Variants in MFAP5 observed in about 807,000 individuals in gnomAD.
MFAP5 encodes the protein microfibril associated protein 5, also known as microfibrillar-associated protein 5.
A neutral mutation model predicts 30.1 loss-of-function variants in MFAP5; 19 were observed. The observed-to-expected ratio is 0.63, with a 90% CI of 0.44 to 0.93. The LOEUF (loss-of-function observed/expected upper bound fraction) is 0.93, where lower values mean the gene tolerates loss of function less well. Among genes scored for constraint, MFAP5 ranks in the 40% least tolerant of loss-of-function variants. MFAP5 has a pLI of 0.00. For missense variants in MFAP5, 210 were observed against 221.3 expected (o/e 0.95, Z 0.32); for synonymous variants, 92 against 72.9 (o/e 1.26, Z -1.33).
At position 8,648,168 on chromosome 12, in the gene MFAP5, T is replaced by C. The variant is rs1565521082; in HGVS notation, c.445A>G (p.Arg149Gly). The C allele has an allele frequency of 7.4e-6, 12 of 1,613,636 alleles. No individual in the cohort carries two copies. The highest frequency in any genetic ancestry group is 2.2e-5 in the East Asian group (1 of 44,884). ...LCRQMAGLPP[R>G]RLRRSNYFRL... The stretch of plus-strand genomic sequence containing the variant: ...AAGTAATTGGAGCGACGGAGTCTCC[T>C]AGGGGGCAGACCAGCCATCTGACGG... Residue 149 changes from arginine to glycine, a missense_variant, in exon 10 of 10, where the codon AGG (arginine) becomes GGG (glycine). Transcript: ENST00000359478.
In MFAP5 at chr12:8,647,196, C is replaced by T. The variant is rs963694569; in HGVS notation, c.*895G>A. ...AAAGCCACTTGCACAATAATTCGACCGTGCACTTGTTAAGTTGTGAAGATG... is the reference window on the plus strand; with the variant it reads ...AAAGCCACTTGCACAATAATTCGACTGTGCACTTGTTAAGTTGTGAAGATG... On this transcript the variant is annotated 3_prime_UTR_variant, in exon 10 of 10. Transcript: ENST00000359478. The T allele has an allele frequency of 6.6e-6, 1 of 152,112 alleles. No homozygotes were observed. The highest frequency in any genetic ancestry group is 1.9e-4 in the East Asian group (1 of 5,196). 9.4% of individuals were successfully genotyped at this position (152,112 alleles called of 1,614,324 possible).
intron 5 of MFAP5, 44 bp from the exon 6 acceptor site, chr12:8,654,525 G>C: frequency 6.4e-7 from 1 of 1,554,196 alleles, no homozygotes; most frequent in Non-Finnish European, 8.8e-7. Context: ...GCTTCAAATT[G>C]CAAACACAAG....
rs140603814 is a variant in MFAP5 at position 8,648,426 on chromosome 12, A to G, written c.410-223T>C. ...TATCCCTTTCTGTAAAATGAGAATT[A>G]AAATACCTACCTCAACAGTATATTT... On this transcript the variant is annotated intron_variant, in intron 9 of 9. Transcript: ENST00000359478. The G allele has an allele frequency of 1.8e-4, 180 of 1,016,962 alleles. No individual in the cohort carries two copies. The East Asian group carries it at 5.9e-3, about 33-fold the overall frequency. The allele number at this position is 1,016,962 out of a possible 1,614,324, so 63.0% of individuals were successfully genotyped here. A position where few individuals can be genotyped will look rare whatever the true frequency, so the allele number is the denominator to read the frequency against.
chr12:8,661,942 A>C (rs1003060513), intron 2 of MFAP5, 105 bp downstream of exon 2: 1 of 1,090,860 alleles, frequency 9.2e-7, no homozygotes, highest in African/African-American at 1.5e-5. Flanking sequence ...AATACCAAGC[A>C]TCTCTACTGC....
At position 8,655,882 on chromosome 12, in the gene MFAP5, C is replaced by T. The variant is rs1263532453; in HGVS notation, c.95-52G>A. ...CTGAGATTCTCTGTCTCCCTGCCAC[C>T]CTTGCACTTCCAGTAAGTTAAATTG... On this transcript the variant is annotated intron_variant, in intron 3 of 9. Coordinates refer to ENST00000359478, the MANE Select transcript of MFAP5 (RefSeq NM_003480.4). 6.0e-6 allele frequency: 9 copies of T among 1,502,812 alleles called. No individual in the cohort carries two copies. In the East Asian group the frequency reaches 9.0e-5, roughly 15 times the overall value. 93.1% of individuals were successfully genotyped at this position (1,502,812 alleles called of 1,614,324 possible).
intron 2 of MFAP5, 122 bp downstream of exon 2, chr12:8,661,925 A>G: frequency 2.1e-6 from 2 of 952,704 alleles, no homozygotes; most frequent in Admixed American, 2.1e-5. Flanking sequence ...TAGGAATTCC[A>G]GAGCTCAATA....
Position 8,648,489 on chromosome 12 carries a change from A to G in MFAP5, c.410-286T>C, listed in dbSNP as rs558791836. On this transcript the variant is annotated intron_variant, in intron 9 of 9. Coordinates refer to ENST00000359478, the MANE Select transcript of MFAP5 (RefSeq NM_003480.4). ...ATGAAATCATGTATGCAAAGTACCT[A>G]GCACAGGTGAGCAGTAAATGTTAGT... The G allele has an allele frequency of 1.1e-3, 1,357 of 1,286,140 alleles. 3 individuals carry two copies. The highest frequency in any genetic ancestry group is 1.3e-3 in the Non-Finnish European group (1,323 of 981,660). 79.7% of individuals were successfully genotyped at this position (1,286,140 alleles called of 1,614,324 possible). A position where few individuals can be genotyped will look rare whatever the true frequency, so the allele number is the denominator to read the frequency against.
chr12:8,649,698 C>G, intron 8 of MFAP5, 124 bp from the exon 9 acceptor site: 1 of 702,274 alleles, frequency 1.4e-6, no homozygotes, highest in Non-Finnish European at 2.5e-6. Flanking sequence ...CTGCTTTTCC[C>G]CAACTGTATT....
intron 1 of MFAP5, chr12:8,662,376 C>T (rs894686363): frequency 3.4e-5 from 14 of 412,990 alleles, no homozygotes; most frequent in Non-Finnish European, 5.7e-5. Flanking sequence ...TCTACATGGT[C>T]CGTACTTGGC....
intron 9 of MFAP5, chr12:8,648,421 G>T: frequency 2.0e-6 from 2 of 993,310 alleles, no homozygotes; most frequent in Non-Finnish European, 2.8e-6. Context: ...TGTAAAATGA[G>T]AATTAAAATA....
chr12:8,657,304 A>C (rs1942028690), intron 3 of MFAP5, among the ~76,000 whole-genome samples: 1 of 152,068 alleles, frequency 6.6e-6, no homozygotes, highest in Admixed American at 6.5e-5. Context: ...CTGTAATCCC[A>C]GCTACTCTGG....
In MFAP5 at chr12:8,654,057, C is replaced by T. The variant is rs191742624; in HGVS notation, c.217+380G>A. ...AGGAAAATCGCTTGAACCCAGGAGG[C>T]GGAGGCCGCAGTGAGCGGAGATCGC... On this transcript the variant is annotated intron_variant, in intron 6 of 9. Coordinates refer to ENST00000359478, the MANE Select transcript of MFAP5 (RefSeq NM_003480.4). Among the ~76,000 whole-genome samples the T allele has an allele frequency of 1.8e-3, 272 of 147,582 alleles. 2 individuals are homozygous for T. The highest frequency in any genetic ancestry group is 6.4e-3 in the African/African-American group (252 of 39,536).
At chr12:8,650,890 G>A (rs1207471154) in intron 7 of MFAP5, among the ~76,000 whole-genome samples, 1 of 152,170 alleles carries the variant, frequency 6.6e-6, no homozygotes, top group Non-Finnish European at 1.5e-5. Context: ...AAATAGGCTG[G>A]GCACGGTGGC....
chr12:8,660,910 G>T lies in MFAP5; in HGVS notation c.59-12C>A. 6.2e-7 allele frequency: 1 copy of T among 1,608,416 alleles called. No homozygotes were observed. The highest frequency in any genetic ancestry group is 1.7e-5 in the Admixed American group (1 of 59,698). On this transcript the variant is annotated splice_polypyrimidine_tract_variant and intron_variant, in intron 2 of 9. Coordinates refer to ENST00000359478, the MANE Select transcript of MFAP5 (RefSeq NM_003480.4). ...CAGGGGTATCCAGTCTATAGCAAAG[G>T]AAGAGAAAAGAGATGTGAGTGACTG...
At chr12:8,651,774 C>T in intron 6 of MFAP5, 83 bp from the exon 7 acceptor site, 1 of 1,274,190 alleles carries the variant, frequency 7.8e-7, no homozygotes, top group South Asian at 1.2e-5. Flanking sequence ...CACTTAGGAC[C>T]TGCTTGGAGT....
rs764941480 is a variant in MFAP5, at chr12:8,655,814, C to T, written c.111G>A (p.Ala37=). 3.7e-6 allele frequency: 6 copies of T among 1,611,752 alleles called. No homozygotes were observed. In the Admixed American group the frequency reaches 5.0e-5, roughly 13 times the overall value. ...GATCTTCTGTGAATGTTTCTGGAGT[C>T]GCTTGAGTCACATCGTCTGAAAAGA... ...NSQRGDDVTQ[A]TPETFTEDPN... Residue 37 remains alanine (A), a synonymous_variant, in exon 4 of 10, where the codon GCG becomes GCA. Coordinates refer to ENST00000359478, the MANE Select transcript of MFAP5 (RefSeq NM_003480.4).
In MFAP5 at chr12:8,648,168, T is replaced by TC. The variant is rs1565521088; in HGVS notation, c.444_445insG (p.Arg149GlufsTer15). On this transcript the variant is annotated frameshift_variant, in exon 10 of 10. Coordinates refer to ENST00000359478, the MANE Select transcript of MFAP5 (RefSeq NM_003480.4). LOFTEE classifies it high-confidence loss of function. ...AAGTAATTGGAGCGACGGAGTCTCC[T>TC]AGGGGGCAGACCAGCCATCTGACGG... 6.2e-7 allele frequency: 1 copy of TC among 1,613,754 alleles called. No individual in the cohort carries two copies. The highest frequency in any genetic ancestry group is 1.7e-5 in the Admixed American group (1 of 59,990).
At chr12:8,649,653 G>T (rs889759010) in intron 8 of MFAP5, 79 bp from the exon 9 acceptor site, 25 of 1,100,844 alleles carry the variant, frequency 2.3e-5, no homozygotes, top group Non-Finnish European at 3.0e-5. Flanking sequence ...GGTCTGGGAT[G>T]CCTCTTCAAC....
intron 7 of MFAP5, 54 bp downstream of exon 7, chr12:8,651,607 AG>A (rs1941840410): frequency 3.2e-6 from 5 of 1,560,770 alleles, no homozygotes; most frequent in Non-Finnish European, 4.4e-6. Flanking sequence ...CAAGGAGGTA[AG>A]GAATCCACAG....
Sources: gnomAD v4.1 joint callset for allele counts (sites outside exome capture counted in the v4.1 genomes callset) on GRCh38, gnomAD v4.1.1 for gene constraint, MANE v1.5 for transcripts, NCBI Gene and HGNC (gene_info 2026-07-23, HGNC 2026-07-21) for gene names.